Variants in ADARB1 observed in about 807,000 individuals in gnomAD.
ADARB1 encodes the protein double-stranded RNA-specific editase 1.
Under a neutral mutation model 52.4 loss-of-function variants are expected in ADARB1, and 10 were observed. The observed-to-expected ratio is 0.19, with a 90% CI of 0.12 to 0.32. The LOEUF (loss-of-function observed/expected upper bound fraction) is 0.32, where lower values mean the gene tolerates loss of function less well. Ranked by LOEUF, ADARB1 falls within the 10% of genes least tolerant of loss-of-function variation. ADARB1 has a pLI of 1.00. For missense variants in ADARB1, 643 were observed against 922.3 expected (o/e 0.70, Z 3.92); for synonymous variants, 349 against 371.1 (o/e 0.94, Z 0.68).
chr21:45,112,756 G>A (rs1200082632), intron 1 of ADARB1, among the ~76,000 whole-genome samples: 2 of 152,148 alleles, frequency 1.3e-5, no homozygotes, highest in African/African-American at 4.8e-5. Context: ...GGACACTTTT[G>A]AGAGTGAAAG....
chr21:45,080,814 C>T (rs972422541), intron 1 of ADARB1, among the ~76,000 whole-genome samples: 2 of 152,158 alleles, frequency 1.3e-5, no homozygotes, highest in Admixed American at 6.5e-5. Context: ...GCATTTAAGA[C>T]GACTCCCTCA....
intron 4 of ADARB1, chr21:45,177,615 C>A (rs1171458682): frequency 6.6e-6 from 1 of 152,144 alleles, no homozygotes; most frequent in African/African-American, 2.4e-5. Context: ...TCATTTATTA[C>A]TTTGTATCAG....
intron 4 of ADARB1, among the ~76,000 whole-genome samples, chr21:45,180,042 G>A (rs750001052): frequency 1.2e-4 from 18 of 152,244 alleles, no homozygotes; most frequent in Non-Finnish European, 2.1e-4. Context: ...GCTGGCCTGC[G>A]GTGAGGATTG....
intron 2 of ADARB1, among the ~76,000 whole-genome samples, chr21:45,135,070 C>G (rs2089285662): frequency 6.6e-6 from 1 of 152,166 alleles, no homozygotes; most frequent in Non-Finnish European, 1.5e-5. Flanking sequence ...GAAGAATCTG[C>G]AACAGAGACC....
intron 1 of ADARB1, among the ~76,000 whole-genome samples, chr21:45,075,805 G>A (rs1339707452): frequency 6.6e-6 from 1 of 152,130 alleles, no homozygotes; most frequent in Non-Finnish European, 1.5e-5. Flanking sequence ...AGCAGGTTTG[G>A]GCTGTTACTT....
chr21:45,086,588 G>A (rs1053861900), intron 1 of ADARB1, among the ~76,000 whole-genome samples: 4 of 152,222 alleles, frequency 2.6e-5, no homozygotes, highest in African/African-American at 9.6e-5. Flanking sequence ...CTCATGTCCT[G>A]TGTCATCGTT....
intron 1 of ADARB1, among the ~76,000 whole-genome samples, chr21:45,083,371 T>C (rs1216730224): frequency 2.6e-5 from 4 of 152,222 alleles, no homozygotes; most frequent in African/African-American, 9.7e-5. Flanking sequence ...CTGTGTTATC[T>C]CCAGATTTCC....
intron 9 of ADARB1, among the ~76,000 whole-genome samples, chr21:45,215,290 C>T (rs928755214): frequency 6.6e-6 from 1 of 152,208 alleles, no homozygotes; most frequent in African/African-American, 2.4e-5. Context: ...TCAAGCAACC[C>T]GCCTGCCTCA....
At chr21:45,093,154 A>G (rs966524330) in intron 1 of ADARB1, among the ~76,000 whole-genome samples, 4 of 152,212 alleles carry the variant, frequency 2.6e-5, no homozygotes, top group African/African-American at 9.6e-5. Flanking sequence ...CAGCATGGCC[A>G]CTGCCCATTC....
intron 2 of ADARB1, among the ~76,000 whole-genome samples, chr21:45,129,788 C>T (rs910531185): frequency 2.0e-5 from 3 of 152,046 alleles, no homozygotes; most frequent in Non-Finnish European, 2.9e-5. Context: ...CTAGGGGGGA[C>T]GCCGTCTTTG....
At chr21:45,111,495 G>A (rs1384406691) in intron 1 of ADARB1, among the ~76,000 whole-genome samples, 1 of 152,128 alleles carries the variant, frequency 6.6e-6, no homozygotes, top group Non-Finnish European at 1.5e-5. Context: ...GTTTCCATGA[G>A]GGTGCACTCT....
At chr21:45,199,351 G>T (rs1430192714) in intron 8 of ADARB1, among the ~76,000 whole-genome samples, 1 of 152,200 alleles carries the variant, frequency 6.6e-6, no homozygotes, top group African/African-American at 2.4e-5. Flanking sequence ...CAGGCACAGG[G>T]CTCCACTCGC....
intron 2 of ADARB1, among the ~76,000 whole-genome samples, chr21:45,147,036 A>AG (rs1381034049): frequency 4.6e-5 from 7 of 152,150 alleles, no homozygotes; most frequent in Non-Finnish European, 1.5e-5. Flanking sequence ...GCCCCTCCTC[A>AG]GGGGTCACGG....
intron 8 of ADARB1, among the ~76,000 whole-genome samples, chr21:45,185,392 C>T (rs1002912077): frequency 2.6e-5 from 4 of 152,216 alleles, no homozygotes; most frequent in Non-Finnish European, 4.4e-5. Context: ...TAATGGGCTA[C>T]AGGCCATGAC....
Position 45,221,912 on chromosome 21 carries a change from C to A in ADARB1, c.1927-106C>A, listed in dbSNP as rs113130866. ...CGCCTTCCTCTGGGTTGCTTTCCCC[C>A]CAGAAGCCAATGCAGTTCTGAAGGC... On this transcript the variant is annotated intron_variant, in intron 10 of 10. Transcript: ENST00000348831. This position sits in a 1 kb window ranked among gnomAD's most constrained non-coding sequence, Gnocchi z 4.9. The A allele has an allele frequency of 6.8e-4, 887 of 1,296,652 alleles. 7 individuals are homozygous for A. The African/African-American group carries it at 0.012, about 17-fold the overall frequency. 80.3% of individuals were successfully genotyped at this position (1,296,652 alleles called of 1,614,324 possible).
chr21:45,201,224 G>A (rs913276344), intron 8 of ADARB1, among the ~76,000 whole-genome samples: 9 of 152,182 alleles, frequency 5.9e-5, no homozygotes, highest in African/African-American at 1.9e-4. Context: ...ACACCCTCTC[G>A]CTGGCGCTAG....
intron 8 of ADARB1, among the ~76,000 whole-genome samples, chr21:45,193,142 A>C (rs1274131134): frequency 6.6e-6 from 1 of 152,242 alleles, no homozygotes; most frequent in African/African-American, 2.4e-5. Flanking sequence ...ACAAGAAAAT[A>C]AAACTACATG....
At chr21:45,109,590 C>T (rs929253116) in intron 1 of ADARB1, among the ~76,000 whole-genome samples, 1 of 152,260 alleles carries the variant, frequency 6.6e-6, no homozygotes, top group Non-Finnish European at 1.5e-5. Flanking sequence ...GGACTGGAGG[C>T]TCCGTGTAGA....
At chr21:45,115,534 G>A (rs1173675833) in intron 1 of ADARB1, among the ~76,000 whole-genome samples, 1 of 152,212 alleles carries the variant, frequency 6.6e-6, no homozygotes, top group East Asian at 1.9e-4. Context: ...CAAATTAGCA[G>A]CCAGATCACT....
Sources: allele counts gnomAD v4.1 joint callset (sites outside exome capture counted in the v4.1 genomes callset), GRCh38; gene constraint gnomAD v4.1.1; non-coding constraint Gnocchi (gnomAD v3.1); transcripts MANE v1.5; gene names NCBI Gene and HGNC (gene_info 2026-07-23, HGNC 2026-07-21).